ACACA: variants seen among roughly 807,000 people sequenced by gnomAD.
The protein encoded by ACACA is acetyl-CoA carboxylase alpha.
Under a neutral mutation model 296.1 loss-of-function variants are expected in ACACA, and 103 were observed. The observed-to-expected ratio is 0.35, with a 90% CI of 0.30 to 0.41. ACACA has a LOEUF of 0.41. ACACA is among the 10% of genes least tolerant of loss of function. The pLI is 1.00. For synonymous variants in ACACA, 953 were observed against 1,038.6 expected (o/e 0.92, Z 1.58); for missense variants, 1,554 against 2,989.7 (o/e 0.52, Z 11.20).
chr17:37,374,804 C>T (rs751369662), intron 1 of ACACA, among the ~76,000 whole-genome samples: 26 of 152,202 alleles, frequency 1.7e-4, no homozygotes, highest in Admixed American at 5.2e-4. Flanking sequence ...TCCACCAATA[C>T]TCACTTCACT....
chr17:37,158,611 C>T (rs998185617), intron 42 of ACACA, among the ~76,000 whole-genome samples: 1 of 152,118 alleles, frequency 6.6e-6, no homozygotes, highest in Non-Finnish European at 1.5e-5. Context: ...GCCTGGGCAA[C>T]ACAGTGAGAC....
At chr17:37,333,909 G>A (rs1478767011) in intron 2 of ACACA, among the ~76,000 whole-genome samples, 1 of 151,402 alleles carries the variant, frequency 6.6e-6, no homozygotes, top group East Asian at 1.9e-4. Context: ...TTCCCCTGTA[G>A]GACAGAAAAG....
intron 3 of ACACA, 105 bp from the exon 4 acceptor site, chr17:37,285,075 C>T (rs956018355): frequency 3.9e-6 from 5 of 1,296,118 alleles, no homozygotes; most frequent in Middle Eastern, 1.9e-4. Flanking sequence ...CCTGTGAAGA[C>T]TGCATGCTGG....
rs566942621 is a variant in ACACA, at chr17:37,390,636, G to GA, written c.38+15625dup. Among the ~76,000 whole-genome samples, 299 of 133,700 alleles carry GA rather than the reference G, an allele frequency of 2.2e-3. 1 individual carries two copies. Among genetic ancestry groups the GA allele is most frequent in the South Asian group, 0.013 (55 of 4,206 alleles). The allele number at this position is 133,700 out of a possible 152,430, so 87.7% of individuals were successfully genotyped here. ...AGCAAGACTCCGTCTCAAAAAGAGA[G>GA]AAAAAAAAAAAAGCCAGCTGGTGGC... On this transcript the variant is annotated intron_variant, in intron 1 of 55. Transcript: ENST00000616317.
At chr17:37,350,922 C>T (rs532851287) in intron 1 of ACACA, among the ~76,000 whole-genome samples, 4 of 152,118 alleles carry the variant, frequency 2.6e-5, no homozygotes, top group South Asian at 2.1e-4. Flanking sequence ...CACCTGAGGT[C>T]GGGAGTTCCG....
intron 1 of ACACA, among the ~76,000 whole-genome samples, chr17:37,359,586 G>A (rs1194711952): frequency 6.6e-6 from 1 of 152,180 alleles, no homozygotes; most frequent in Non-Finnish European, 1.5e-5. Context: ...GGACAGAGGC[G>A]TCCCAAGTGA....
At chr17:37,243,332 T>A in intron 22 of ACACA, 39 bp downstream of exon 22, 1 of 1,573,240 alleles carries the variant, frequency 6.4e-7, no homozygotes, top group South Asian at 1.1e-5. Context: ...ACTCTGGCAT[T>A]GGTAGCCAGA....
At chr17:37,119,642 A>ACACACACACACAC (rs60051608) in intron 50 of ACACA, among the ~76,000 whole-genome samples, 2 of 133,772 alleles carry the variant, frequency 1.5e-5, no homozygotes, top group African/African-American at 2.9e-5. Context: ...ACACACACAC[A>ACACACACACACAC]ATCAACCTAG....
intron 25 of ACACA, among the ~76,000 whole-genome samples, chr17:37,228,206 CTTTTTTTTTTTT>C (rs11299899): frequency 9.4e-6 from 1 of 106,056 alleles, no homozygotes; most frequent in African/African-American, 3.7e-5. Flanking sequence ...TTCTCAAACC[CTTTTTTTTTTTT>C]TTTTTTTTTT....
intron 24 of ACACA, among the ~76,000 whole-genome samples, chr17:37,238,417 T>C (rs943028804): frequency 6.6e-6 from 1 of 152,018 alleles, no homozygotes; most frequent in African/African-American, 2.4e-5. Flanking sequence ...GCTGGATCTG[T>C]TTCTGGGTCA....
intron 1 of ACACA, chr17:37,377,852 C>A: frequency 6.3e-7 from 1 of 1,587,238 alleles, no homozygotes; most frequent in East Asian, 2.2e-5. Context: ...TCCCCGGTTC[C>A]CCTCCTCCCC....
intron 24 of ACACA, among the ~76,000 whole-genome samples, chr17:37,236,996 G>C (rs1418965268): frequency 6.6e-6 from 1 of 151,984 alleles, no homozygotes; most frequent in Non-Finnish European, 1.5e-5. Flanking sequence ...GAAGACCCCT[G>C]CGTACCCCTC....
At chr17:37,278,190 C>T (rs938202675) in intron 5 of ACACA, among the ~76,000 whole-genome samples, 185 bp from the exon 6 acceptor site, 5 of 152,156 alleles carry the variant, frequency 3.3e-5, no homozygotes, top group South Asian at 2.1e-4. Context: ...AGCACTAATA[C>T]GAGTTAATCC....
At chr17:37,260,257 T>TC (rs2081391607) in intron 11 of ACACA, among the ~76,000 whole-genome samples, 1 of 9,720 alleles carries the variant, frequency 1.0e-4, no homozygotes, top group African/African-American at 5.2e-4. Flanking sequence ...GTCATATATA[T>TC]ATATATATAT....
intron 3 of ACACA, among the ~76,000 whole-genome samples, chr17:37,286,133 G>T (rs747261527): frequency 6.6e-6 from 1 of 152,046 alleles, no homozygotes; most frequent in African/African-American, 2.4e-5. Context: ...CAGGTGATCC[G>T]CCCACCTCGG....
intron 41 of ACACA, among the ~76,000 whole-genome samples, chr17:37,169,365 A>G (rs2076801243): frequency 6.6e-6 from 1 of 152,216 alleles, no homozygotes; most frequent in African/African-American, 2.4e-5. Flanking sequence ...AATGCAAAAT[A>G]CTTTCTGTCT....
intron 52 of ACACA, among the ~76,000 whole-genome samples, chr17:37,106,204 TC>T (rs1229656845): frequency 6.6e-6 from 1 of 152,192 alleles, no homozygotes; most frequent in Non-Finnish European, 1.5e-5. Context: ...GGTGTGCCTT[TC>T]TTTACACAAA....
At chr17:37,170,975 A>G (rs910840465) in intron 41 of ACACA, among the ~76,000 whole-genome samples, 5 of 152,202 alleles carry the variant, frequency 3.3e-5, no homozygotes, top group Non-Finnish European at 7.3e-5. Context: ...CATCAACTCT[A>G]GCTATGCTGT....
intron 39 of ACACA, among the ~76,000 whole-genome samples, chr17:37,183,187 C>T (rs1019585198): frequency 1.3e-5 from 2 of 152,124 alleles, no homozygotes; most frequent in Non-Finnish European, 2.9e-5. Context: ...CCTTGAGACT[C>T]GGTTTGGCCA....
Sources: allele counts gnomAD v4.1 joint callset (sites outside exome capture counted in the v4.1 genomes callset), GRCh38; gene constraint gnomAD v4.1.1; transcripts MANE v1.5; gene names NCBI Gene and HGNC (gene_info 2026-07-23, HGNC 2026-07-21).